The following MARK4 variants were observed in gnomAD, a reference collection of about 807,000 sequenced individuals.
The protein encoded by MARK4 is MAP/microtubule affinity-regulating kinase 4.
In MARK4, 19 loss-of-function variants were observed where a neutral mutation model predicts 81.5. That is an observed-to-expected ratio of 0.23 (90% CI 0.16 to 0.34). The LOEUF is 0.34. Among genes scored for constraint, MARK4 ranks in the 10% least tolerant of loss-of-function variants. MARK4 has a pLI of 1.00. For missense variants in MARK4, 772 were observed against 1,058.8 expected (o/e 0.73, Z 3.76); for synonymous variants, 436 against 439.0 (o/e 0.99, Z 0.08).
intron 13 of MARK4, among the ~76,000 whole-genome samples, chr19:45,293,153 C>G (rs1030753845): frequency 1.3e-5 from 2 of 152,018 alleles, no homozygotes; most frequent in African/African-American, 4.8e-5. Flanking sequence ...CCTGTAATCC[C>G]AGCTACTCGG....
intron 1 of MARK4, among the ~76,000 whole-genome samples, chr19:45,257,776 A>T (rs1444196231): frequency 2.3e-5 from 3 of 131,212 alleles, no homozygotes; most frequent in African/African-American, 8.9e-5. Flanking sequence ...TGCAAGCTCC[A>T]CCTCCTGGGT....
chr19:45,275,748 C>T (rs192187367), intron 8 of MARK4, among the ~76,000 whole-genome samples: 6 of 152,322 alleles, frequency 3.9e-5, no homozygotes, highest in African/African-American at 9.6e-5. Context: ...TCAACCTCCT[C>T]GTCTGGAAAG....
At chr19:45,292,378 C>T (rs188614162) in intron 13 of MARK4, among the ~76,000 whole-genome samples, 43 of 152,328 alleles carry the variant, frequency 2.8e-4, no homozygotes, top group African/African-American at 9.4e-4. Context: ...GGGCAAGTAA[C>T]TTCACCTCTC....
intron 13 of MARK4, among the ~76,000 whole-genome samples, chr19:45,291,521 G>T (rs1450200077): frequency 6.6e-6 from 1 of 152,178 alleles, no homozygotes; most frequent in Non-Finnish European, 1.5e-5. Flanking sequence ...GGTGGCTTAC[G>T]CCTGTAATCC....
At chr19:45,287,151 C>T (rs1206406325) in intron 12 of MARK4, among the ~76,000 whole-genome samples, 1 of 141,504 alleles carries the variant, frequency 7.1e-6, no homozygotes, top group African/African-American at 2.7e-5. Context: ...TTGCAGTGAG[C>T]GGAGATCGCA....
chr19:45,287,696 G>A (rs1200343349), intron 13 of MARK4, 32 bp downstream of exon 13: 36 of 1,590,200 alleles, frequency 2.3e-5, no homozygotes, highest in Non-Finnish European at 3.0e-5. Flanking sequence ...GCAGGGCTGG[G>A]GGCGCCACCT....
chr19:45,284,562 T>C (rs1970718548), intron 12 of MARK4, among the ~76,000 whole-genome samples: 1 of 151,746 alleles, frequency 6.6e-6, no homozygotes, highest in African/African-American at 2.4e-5. Context: ...GACCTCATGA[T>C]CCACCTGCTT....
At chr19:45,276,733 C>T (rs577413856) in intron 8 of MARK4, among the ~76,000 whole-genome samples, 5 of 148,076 alleles carry the variant, frequency 3.4e-5, no homozygotes, top group African/African-American at 1.2e-4. Context: ...TCAAGTGATT[C>T]TCCTGCCTCA....
chr19:45,287,707 G>A, intron 13 of MARK4, 43 bp downstream of exon 13: 1 of 1,578,154 alleles, frequency 6.3e-7, no homozygotes, highest in Non-Finnish European at 8.6e-7. Context: ...GGCGCCACCT[G>A]GGCCACATTC....
In MARK4 at chr19:45,271,456, CCTT is replaced by C. The variant is rs1568494390; in HGVS notation, c.550-13_550-11del. On this transcript the variant is annotated splice_polypyrimidine_tract_variant and intron_variant, in intron 7 of 16. Coordinates refer to ENST00000262891, the MANE Select transcript of MARK4 (RefSeq NM_001199867.2). The surrounding 1 kb of genome is among the most constrained non-coding windows in gnomAD (Gnocchi z 4.1). ...CCTTGAGTCCCACTTTCCGCCCTCT[CCTT>C]CTCTCCCTGCAGGCTGAGAACCTCT... 3.7e-6 allele frequency: 6 copies of C among 1,612,382 alleles called. No homozygotes were observed. Among genetic ancestry groups the C allele is most frequent in the East Asian group, 2.2e-5 (1 of 44,864 alleles).
intron 13 of MARK4, among the ~76,000 whole-genome samples, chr19:45,291,049 C>T (rs905216027): frequency 2.6e-5 from 4 of 152,054 alleles, no homozygotes; most frequent in Non-Finnish European, 2.9e-5. Context: ...CTGAGTATTC[C>T]GGATAAGTAC....
rs549386450 is a variant in MARK4, at chr19:45,279,693, G to T, written c.1007-681G>T. Among the ~76,000 whole-genome samples, 12 of 152,290 alleles carry T rather than the reference G, an allele frequency of 7.9e-5. No homozygotes were observed. The South Asian group carries it at 2.5e-3, about 32-fold the overall frequency. On this transcript the variant is annotated intron_variant, in intron 10 of 16. Transcript: ENST00000262891. ...TTGTATGGTTTAACCTAATAGTGATGATTTATTCTGCCACATAACTAAAAT... is the reference window on the plus strand; with the variant it reads ...TTGTATGGTTTAACCTAATAGTGATTATTTATTCTGCCACATAACTAAAAT...
At chr19:45,297,420 A>G (rs569002843) in intron 14 of MARK4, among the ~76,000 whole-genome samples, 3 of 152,174 alleles carry the variant, frequency 2.0e-5, no homozygotes, top group African/African-American at 2.4e-5. Flanking sequence ...GAGAGTTGTG[A>G]TAGGAGATGA....
rs112154865 is a variant in MARK4 at position 45,255,065 on chromosome 19, G to A, written c.51+3426G>A. On this transcript the variant is annotated intron_variant, in intron 1 of 16. Transcript: ENST00000262891. The stretch of plus-strand genomic sequence containing the variant: ...AAAAATTTAAAAATCAGCTGTGTGT[G>A]GTGGTGCACTCCTGTGGTCCCAGCT... 3.6e-3 allele frequency among the ~76,000 whole-genome samples: 544 copies of A among 152,236 alleles called. 9 individuals carry two copies. The highest frequency in any genetic ancestry group is 0.012 in the African/African-American group (503 of 41,534).
At chr19:45,259,293 C>T (rs1970350533) in intron 2 of MARK4, 104 bp downstream of exon 2, 6 of 1,306,072 alleles carry the variant, frequency 4.6e-6, no homozygotes, top group African/African-American at 1.5e-5. Flanking sequence ...GCTTTGTGGC[C>T]TCAGGTAAGT....
At chr19:45,270,025 A>G (rs1219492106) in intron 7 of MARK4, among the ~76,000 whole-genome samples, 1 of 151,978 alleles carries the variant, frequency 6.6e-6, no homozygotes, top group East Asian at 1.9e-4. Context: ...ACAGGGTTTT[A>G]CCATGTTGCC....
Position 45,297,884 on chromosome 19 carries a change from C to T in MARK4, c.1807C>T (p.Pro603Ser). The change falls in exon 15 of 17, where the codon CCC becomes TCC. Residue 603 changes from proline (P) to serine (S), a missense_variant. Transcript: ENST00000262891. Reference sequence around the variant, plus strand: ...TCCCACACTGGCCCATGAGGCTGCACCCCTGCCCGCCGGGCGGCCCCGCCC... The same window carrying T: ...TCCCACACTGGCCCATGAGGCTGCATCCCTGCCCGCCGGGCGGCCCCGCCC... ...ASPTLAHEAA[P>S]LPAGRPRPTT... 3 of 1,549,880 alleles carry T rather than the reference C, an allele frequency of 1.9e-6. No homozygotes were observed. Among genetic ancestry groups the T allele is most frequent in the South Asian group, 1.2e-5 (1 of 84,056 alleles).
rs1472078188 is a variant in MARK4 at position 45,251,659 on chromosome 19, T to C, written c.51+20T>C. 1 of 1,488,442 alleles carries C rather than the reference T, an allele frequency of 6.7e-7. No individual in the cohort carries two copies. Among genetic ancestry groups the C allele is most frequent in the Non-Finnish European group, 8.9e-7 (1 of 1,118,646 alleles). The allele number at this position is 1,488,442 out of a possible 1,614,324, so 92.2% of individuals were successfully genotyped here. ...GACACGGTGAGTGGGGCCCGGCCCC[T>C]TGGGGAGCCCTGGCTGGGTCCAGCC... is the stretch of plus-strand genomic sequence containing the variant. On this transcript the variant is annotated intron_variant, in intron 1 of 16. Coordinates refer to ENST00000262891, the MANE Select transcript of MARK4 (RefSeq NM_001199867.2).
chr19:45,299,753 G>A, intron 15 of MARK4, 58 bp from the exon 16 acceptor site: 1 of 1,494,060 alleles, frequency 6.7e-7, no homozygotes, highest in Non-Finnish European at 9.1e-7. Flanking sequence ...GCAGTGGGTT[G>A]CGGGAGGTGG....
Sources: gnomAD v4.1 joint callset for allele counts (sites outside exome capture counted in the v4.1 genomes callset) on GRCh38, gnomAD v4.1.1 for gene constraint, Gnocchi (gnomAD v3.1) non-coding constraint, MANE v1.5 for transcripts, NCBI Gene and HGNC (gene_info 2026-07-23, HGNC 2026-07-21) for gene names.